The following HECTD4 variants were observed in gnomAD, a reference collection of about 807,000 sequenced individuals.
The protein encoded by HECTD4 is probable E3 ubiquitin-protein ligase HECTD4.
HECTD4 carries 114 observed loss-of-function variants against 471.5 expected under a neutral mutation model. The ratio of observed to expected loss-of-function variants is 0.24; its 90% confidence interval spans 0.21 to 0.28. HECTD4 has a LOEUF of 0.28. Ranked by LOEUF, HECTD4 falls within the 10% of genes least tolerant of loss-of-function variation. HECTD4 has a pLI of 1.00. For synonymous variants in HECTD4, 2,012 were observed against 2,256.0 expected (o/e 0.89, Z 3.07); for missense variants, 3,866 against 5,651.5 (o/e 0.68, Z 10.13).
At chr12:112,346,161 C>T (rs1566119358) in intron 1 of HECTD4, among the ~76,000 whole-genome samples, 1 of 152,180 alleles carries the variant, frequency 6.6e-6, no homozygotes, top group East Asian at 1.9e-4. Context: ...GCCAAGGTTA[C>T]CTCACTTGTA....
intron 1 of HECTD4, among the ~76,000 whole-genome samples, chr12:112,356,398 T>C (rs1220183245): frequency 6.6e-6 from 1 of 152,172 alleles, no homozygotes; most frequent in Non-Finnish European, 1.5e-5. Context: ...ATCTTTTCCG[T>C]CTCACTCTCT....
At chr12:112,280,707 C>T (rs990237612) in intron 8 of HECTD4, among the ~76,000 whole-genome samples, 2 of 150,386 alleles carry the variant, frequency 1.3e-5, no homozygotes, top group African/African-American at 2.5e-5. Flanking sequence ...GTGAGTATAC[C>T]ATTTTCACCA....
intron 25 of HECTD4, chr12:112,249,918 A>T: frequency 1.8e-6 from 1 of 549,246 alleles, no homozygotes; most frequent in Non-Finnish European, 3.3e-6. Flanking sequence ...AAGAACCAAC[A>T]AGTTCCCAAG....
At chr12:112,170,913 G>T (rs1403511780) in intron 68 of HECTD4, 1 of 530,076 alleles carries the variant, frequency 1.9e-6, no homozygotes, top group Admixed American at 3.6e-5. Context: ...TTATTTTTCA[G>T]AGCATGTTAC....
chr12:112,274,877 G>A lies in HECTD4; in HGVS notation c.1771C>T (p.Leu591=). The A allele has an allele frequency of 2.6e-6, 4 of 1,549,704 alleles. No homozygotes were observed. The highest frequency in any genetic ancestry group is 3.5e-6 in the Non-Finnish European group (4 of 1,146,290). ...ADLIDAAGSS[L]GRGALVPGLG... ...CCTGGTACGAGAGCACCACGCCCCA[G>A]TGAGCTTCCAGCAGCATCTATGAGA... The change falls in exon 10 of 76, where the codon CTG becomes TTG. Residue 591 remains leucine (L), a synonymous_variant. Coordinates refer to ENST00000682272, the MANE Select transcript of HECTD4 (RefSeq NM_001388303.1).
intron 9 of HECTD4, among the ~76,000 whole-genome samples, chr12:112,277,853 C>A (rs918118404): frequency 1.3e-5 from 2 of 152,062 alleles, no homozygotes; most frequent in African/African-American, 4.8e-5. Context: ...TAGGTATAAT[C>A]ATCTGCACAT....
intron 11 of HECTD4, among the ~76,000 whole-genome samples, 192 bp downstream of exon 11, chr12:112,273,463 A>T (rs1262236252): frequency 6.6e-6 from 1 of 152,208 alleles, no homozygotes; most frequent in Non-Finnish European, 1.5e-5. Context: ...ATTTATTTAC[A>T]TACTTATTTA....
Position 112,164,289 on chromosome 12 carries a change from G to A in HECTD4, c.12535-14C>T, listed in dbSNP as rs1175325697. 6.2e-7 allele frequency: 1 copy of A among 1,604,346 alleles called. No individual in the cohort carries two copies. The highest frequency in any genetic ancestry group is 8.5e-7 in the Non-Finnish European group (1 of 1,173,512). On this transcript the variant is annotated splice_polypyrimidine_tract_variant and intron_variant, in intron 72 of 75. Coordinates refer to ENST00000682272, the MANE Select transcript of HECTD4 (RefSeq NM_001388303.1). ...CTCATCATTGATCTGGAGGGTGGAG[G>A]CAGAGCGAGGCTCATTATGAGGCCA... is the stretch of plus-strand genomic sequence containing the variant.
intron 52 of HECTD4, among the ~76,000 whole-genome samples, chr12:112,205,601 T>C (rs2032555018): frequency 6.6e-6 from 1 of 150,930 alleles, no homozygotes; most frequent in Admixed American, 6.6e-5. Flanking sequence ...TTCTTTTTCT[T>C]TTTTTTTTGA....
intron 9 of HECTD4, among the ~76,000 whole-genome samples, chr12:112,275,619 C>CATATATATAT (rs149305522): frequency 6.8e-6 from 1 of 147,400 alleles, no homozygotes; most frequent in African/African-American, 2.5e-5. Context: ...TCCACACCAG[C>CATATATATAT]ATATATATAT....
chr12:112,369,708 C>T (rs1455444393), intron 1 of HECTD4, among the ~76,000 whole-genome samples: 1 of 152,060 alleles, frequency 6.6e-6, no homozygotes, highest in Non-Finnish European at 1.5e-5. Context: ...GAGGTCCTAT[C>T]AAACACTAAT....
At chr12:112,375,737 T>C (rs1055373140) in intron 1 of HECTD4, among the ~76,000 whole-genome samples, 4 of 152,170 alleles carry the variant, frequency 2.6e-5, no homozygotes, top group Non-Finnish European at 5.9e-5. Flanking sequence ...TATTGCTTTT[T>C]TATTTCTCTT....
chr12:112,168,910 C>G (rs765196808), intron 70 of HECTD4, among the ~76,000 whole-genome samples: 1 of 152,192 alleles, frequency 6.6e-6, no homozygotes, highest in Non-Finnish European at 1.5e-5. Flanking sequence ...CAGGGTCCCC[C>G]GTCTGGGAGG....
chr12:112,206,710 G>A (rs1447506421), intron 52 of HECTD4, among the ~76,000 whole-genome samples: 1 of 151,920 alleles, frequency 6.6e-6, no homozygotes, highest in Non-Finnish European at 1.5e-5. Flanking sequence ...CTAATTTTTT[G>A]TATTTTTAGT....
chr12:112,267,835 A>C (rs1317871623), intron 13 of HECTD4, among the ~76,000 whole-genome samples: 1 of 152,124 alleles, frequency 6.6e-6, no homozygotes, highest in East Asian at 1.9e-4. Context: ...TGTGTTTTAG[A>C]CAGGATCTCA....
intron 48 of HECTD4, among the ~76,000 whole-genome samples, chr12:112,215,684 G>C (rs897030172): frequency 2.0e-5 from 3 of 152,146 alleles, no homozygotes; most frequent in Admixed American, 1.3e-4. Context: ...CTGTCACCCA[G>C]GCTGGAGTGT....
chr12:112,371,121 AC>A (rs1423101343), intron 1 of HECTD4, among the ~76,000 whole-genome samples: 1 of 152,232 alleles, frequency 6.6e-6, no homozygotes, highest in Non-Finnish European at 1.5e-5. Context: ...GCTCGAGCCA[AC>A]AGGTAGTATT....
chr12:112,324,036 T>TA (rs2035673241), intron 1 of HECTD4, among the ~76,000 whole-genome samples: 1 of 54,790 alleles, frequency 1.8e-5, no homozygotes. Context: ...CTTCCTTCCT[T>TA]CCTTCCTTCC....
chr12:112,335,143 TACACACAC>T (rs144839031), intron 1 of HECTD4, among the ~76,000 whole-genome samples: 1 of 146,812 alleles, frequency 6.8e-6, no homozygotes, highest in African/African-American at 2.5e-5. Context: ...GAAACTGTGA[TACACACAC>T]ACACACACAC....
Sources: gnomAD v4.1 joint callset for allele counts (sites outside exome capture counted in the v4.1 genomes callset) on GRCh38, gnomAD v4.1.1 for gene constraint, MANE v1.5 for transcripts, NCBI Gene and HGNC (gene_info 2026-07-23, HGNC 2026-07-21) for gene names.